The following TMEM132E variants were observed in gnomAD, a reference collection of about 807,000 sequenced individuals.
The protein encoded by TMEM132E is transmembrane protein 132E.
TMEM132E carries 49 observed loss-of-function variants against 78.5 expected under a neutral mutation model. The observed-to-expected ratio is 0.62, with a 90% CI of 0.50 to 0.79. The LOEUF (loss-of-function observed/expected upper bound fraction) is 0.79. Ranked by LOEUF, TMEM132E falls within the 30% of genes least tolerant of loss-of-function variation. TMEM132E has a pLI of 0.00. For missense variants in TMEM132E, 1,403 were observed against 1,470.9 expected (o/e 0.95, Z 0.75); for synonymous variants, 715 against 670.6 (o/e 1.07, Z -1.02).
chr17:34,597,840 C>T (rs1364801853), intron 1 of TMEM132E, among the ~76,000 whole-genome samples: 1 of 152,174 alleles, frequency 6.6e-6, no homozygotes, highest in Non-Finnish European at 1.5e-5. Flanking sequence ...GATCTGCCAT[C>T]TCCTGGTCAC....
At chr17:34,599,725 AC>A (rs1567713004) in intron 1 of TMEM132E, among the ~76,000 whole-genome samples, 1 of 152,026 alleles carries the variant, frequency 6.6e-6, no homozygotes, top group African/African-American at 2.4e-5. Context: ...TTCTGAATTC[AC>A]TAATCTGGGC....
chr17:34,633,022 G>A, intron 6 of TMEM132E, 113 bp downstream of exon 6: 2 of 1,226,868 alleles, frequency 1.6e-6, no homozygotes, highest in South Asian at 1.3e-5. Context: ...TAGTCTGTAG[G>A]TTGGTTGTGC....
intron 1 of TMEM132E, among the ~76,000 whole-genome samples, chr17:34,601,280 G>A (rs982715656): frequency 4.6e-5 from 7 of 152,192 alleles, no homozygotes; most frequent in African/African-American, 1.7e-4. Context: ...GAGGCAGACC[G>A]CATCTTGTGG....
At chr17:34,597,362 T>C (rs1014797394) in intron 1 of TMEM132E, among the ~76,000 whole-genome samples, 4 of 152,114 alleles carry the variant, frequency 2.6e-5, no homozygotes, top group African/African-American at 9.7e-5. Context: ...ATCCAGCTCC[T>C]TTATAGAGCC....
In TMEM132E at chr17:34,632,924, C is replaced by G. The variant is rs1377791687; in HGVS notation, c.1688+15C>G. On this transcript the variant is annotated intron_variant, in intron 6 of 8. Coordinates refer to ENST00000631683, the MANE Select transcript of TMEM132E (RefSeq NM_001304438.2). ...CCCGACCGGAGGTACAGCCCCTCTC[C>G]CATGGCGGATACTTGGGAAACTCAT... 5.0e-6 allele frequency: 8 copies of G among 1,613,632 alleles called. No homozygotes were observed. The highest frequency in any genetic ancestry group is 6.8e-6 in the Non-Finnish European group (8 of 1,179,912).
chr17:34,637,134 C>A (rs1269565759), intron 8 of TMEM132E, 43 bp from the exon 9 acceptor site: 1 of 1,536,814 alleles, frequency 6.5e-7, no homozygotes, highest in Non-Finnish European at 8.8e-7. Flanking sequence ...GCCAGCTGAA[C>A]CAGCTCTTTG....
intron 1 of TMEM132E, among the ~76,000 whole-genome samples, chr17:34,605,587 C>G (rs950498822): frequency 2.6e-5 from 4 of 152,182 alleles, no homozygotes; most frequent in Middle Eastern, 3.2e-3. Context: ...CTGAGGTTAT[C>G]CTTCAAAGCC....
chr17:34,624,020 C>T (rs995025308), intron 1 of TMEM132E, among the ~76,000 whole-genome samples: 5 of 152,214 alleles, frequency 3.3e-5, no homozygotes, highest in African/African-American at 9.6e-5. Context: ...CACGTCCTTC[C>T]GAGCATGCCA....
chr17:34,601,807 G>C (rs914570201), intron 1 of TMEM132E, among the ~76,000 whole-genome samples: 1 of 152,136 alleles, frequency 6.6e-6, no homozygotes, highest in Non-Finnish European at 1.5e-5. Context: ...CCAGGCCCGA[G>C]TACCTTCCTC....
At position 34,626,926 on chromosome 17, in the gene TMEM132E, G is replaced by T; in HGVS notation, c.867G>T (p.Arg289Ser). 1 of 1,613,714 alleles carries T rather than the reference G, an allele frequency of 6.2e-7. No homozygotes were observed. The highest frequency in any genetic ancestry group is 1.1e-5 in the South Asian group (1 of 91,090). ...PPPRRTLQEH[R>S]LDSNLMIRLP... is the part of the protein sequence containing the mutation. ...CCAGGAGGACCCTGCAGGAGCACAG[G>T]CTGGACAGCAACCTGATGATCCGCC... Residue 289 changes from arginine to serine, a missense_variant, in exon 2 of 9, where the codon AGG (arginine) becomes AGT (serine). Physicochemically the swap from Arg to Ser is moderately radical, Grantham distance 110 (BLOSUM62 -1). This residue lies in a region of TMEM132E where 511 missense variants were observed against 499.0 expected (regional missense o/e 1.02). Transcript: ENST00000631683.
At position 34,632,916 on chromosome 17, in the gene TMEM132E, C is replaced by A. The variant is rs1907400664; in HGVS notation, c.1688+7C>A. 4 of 1,613,876 alleles carry A rather than the reference C, an allele frequency of 2.5e-6. No individual in the cohort carries two copies. In the East Asian group the frequency reaches 8.9e-5, roughly 36 times the overall value. The stretch of plus-strand genomic sequence containing the variant: ...CTATCCTCCCCGACCGGAGGTACAG[C>A]CCCTCTCCCATGGCGGATACTTGGG... On this transcript the variant is annotated splice_region_variant and intron_variant, in intron 6 of 8. Transcript: ENST00000631683.
chr17:34,618,419 A>G (rs550692365), intron 1 of TMEM132E, among the ~76,000 whole-genome samples: 1 of 144,396 alleles, frequency 6.9e-6, no homozygotes, highest in South Asian at 2.2e-4. Context: ...TTTTTGAGAG[A>G]TGGGATCTCG....
At chr17:34,635,309 C>T (rs1402701432) in intron 7 of TMEM132E, among the ~76,000 whole-genome samples, 1 of 152,152 alleles carries the variant, frequency 6.6e-6, no homozygotes, top group Non-Finnish European at 1.5e-5. Flanking sequence ...GTGGGTGACT[C>T]AAGCAGACCC....
Position 34,626,234 on chromosome 17 carries a change from C to G in TMEM132E, c.175C>G (p.Arg59Gly). The change falls in exon 2 of 9, where the codon CGG (arginine) becomes GGG (glycine). Residue 59 changes from arginine to glycine, a missense_variant. Around this residue, in one of 3 missense-constraint regions of TMEM132E, gnomAD observed 511 missense variants for 499.0 expected, o/e 1.02. Coordinates refer to ENST00000631683, the MANE Select transcript of TMEM132E (RefSeq NM_001304438.2). ...LSHTRLAFFL[R>G]EARPPSPAVA... ...GCACACGCGGCTGGCCTTCTTCCTG[C>G]GGGAGGCGCGGCCCCCGTCACCCGC... 1 of 1,591,600 alleles carries G rather than the reference C, an allele frequency of 6.3e-7. No homozygotes were observed. The highest frequency in any genetic ancestry group is 1.7e-5 in the Admixed American group (1 of 57,144).
chr17:34,621,378 A>G (rs762653957), intron 1 of TMEM132E, among the ~76,000 whole-genome samples: 3 of 151,984 alleles, frequency 2.0e-5, no homozygotes, highest in Non-Finnish European at 4.4e-5. Context: ...CTGCATCCTC[A>G]TCTCTTCTTC....
At position 34,626,373 on chromosome 17, in the gene TMEM132E, G is replaced by A. The variant is rs760483390; in HGVS notation, c.314G>A (p.Arg105Gln). The A allele has an allele frequency of 6.9e-5, 112 of 1,613,206 alleles. No homozygotes were observed. Among genetic ancestry groups the A allele is most frequent in the Non-Finnish European group, 9.2e-5 (108 of 1,179,804 alleles). The change falls in exon 2 of 9, where the codon CGG becomes CAG. Residue 105 changes from arginine to glutamine, a missense_variant. Coordinates refer to ENST00000631683, the MANE Select transcript of TMEM132E (RefSeq NM_001304438.2). ...GPFSTSQVVA[R>Q]ELLQPSSTLD... ...TTCAGCACCAGCCAGGTGGTGGCGC[G>A]GGAGCTCCTGCAGCCGTCCAGCACC...
chr17:34,603,445 T>C (rs925745201), intron 1 of TMEM132E, among the ~76,000 whole-genome samples: 1 of 152,032 alleles, frequency 6.6e-6, no homozygotes, highest in South Asian at 2.1e-4. Context: ...GAGGCTAGAG[T>C]ATGACTCCCA....
At chr17:34,616,876 A>T (rs1005094787) in intron 1 of TMEM132E, among the ~76,000 whole-genome samples, 5 of 152,204 alleles carry the variant, frequency 3.3e-5, no homozygotes, top group South Asian at 2.1e-4. Context: ...CTTAGGTGGT[A>T]TCTTTGTGCA....
intron 1 of TMEM132E, among the ~76,000 whole-genome samples, chr17:34,597,814 A>G (rs1351768617): frequency 6.6e-6 from 1 of 151,926 alleles, no homozygotes; most frequent in Non-Finnish European, 1.5e-5. Flanking sequence ...TCTCCTCCAC[A>G]CTTCCTGCCC....
Sources: allele counts gnomAD v4.1 joint callset (sites outside exome capture counted in the v4.1 genomes callset), GRCh38; gene constraint gnomAD v4.1.1; regional missense constraint gnomAD v4.1.1; transcripts MANE v1.5; gene names NCBI Gene and HGNC (gene_info 2026-07-23, HGNC 2026-07-21).